ALDH6A1: variants seen among roughly 807,000 people sequenced by gnomAD.
ALDH6A1 encodes methylmalonate-semialdehyde/malonate-semialdehyde dehydrogenase [acylating], mitochondrial.
ALDH6A1 carries 43 observed loss-of-function variants against 62.6 expected under a neutral mutation model. The ratio of observed to expected loss-of-function variants is 0.69; its 90% CI spans 0.54 to 0.89. The LOEUF is 0.89. Ranked by LOEUF, ALDH6A1 falls within the 40% of genes least tolerant of loss-of-function variation. The pLI, the probability that ALDH6A1 is intolerant of heterozygous loss-of-function variation, is 0.00. For synonymous variants in ALDH6A1, 194 were observed against 234.2 expected (o/e 0.83, Z 1.57); for missense variants, 551 against 661.3 (o/e 0.83, Z 1.83).
At chr14:74,079,792 C>G (rs1222219922) in intron 1 of ALDH6A1, among the ~76,000 whole-genome samples, 1 of 152,144 alleles carries the variant, frequency 6.6e-6, no homozygotes, top group Admixed American at 6.5e-5. Flanking sequence ...TGGTCTTGAA[C>G]TCCTGGCCTC....
At chr14:74,081,884 G>A (rs1200535473) in intron 1 of ALDH6A1, among the ~76,000 whole-genome samples, 4 of 152,100 alleles carry the variant, frequency 2.6e-5, no homozygotes, top group African/African-American at 7.2e-5. Context: ...CCATATCACC[G>A]ACAGTGCAAG....
At position 74,060,036 on chromosome 14, in the gene ALDH6A1, G is replaced by A. The variant is rs1324474156; in HGVS notation, c.*606C>T. The A allele has an allele frequency of 6.5e-6, 1 of 154,788 alleles. No homozygotes were observed. Among genetic ancestry groups the A allele is most frequent in the Non-Finnish European group, 1.4e-5 (1 of 69,808 alleles). The allele number at this position is 154,788 out of a possible 1,614,324, so 9.6% of individuals were successfully genotyped here. Reference sequence around the variant, plus strand: ...ACTTTGCAGGAGGTCTCTCCCAGTGGCATTTAGGTAGCGCTATGTTTGAGG... The same window carrying A: ...ACTTTGCAGGAGGTCTCTCCCAGTGACATTTAGGTAGCGCTATGTTTGAGG... On this transcript the variant is annotated 3_prime_UTR_variant, in exon 12 of 12. Coordinates refer to ENST00000553458, the MANE Select transcript of ALDH6A1 (RefSeq NM_005589.4).
intron 1 of ALDH6A1, among the ~76,000 whole-genome samples, chr14:74,079,674 C>T (rs1595134815): frequency 6.6e-6 from 1 of 151,986 alleles, no homozygotes; most frequent in Non-Finnish European, 1.5e-5. Context: ...CCTCATGATC[C>T]GCCCGCCTCA....
intron 1 of ALDH6A1, among the ~76,000 whole-genome samples, chr14:74,080,681 G>C (rs1276978203): frequency 6.6e-6 from 1 of 152,060 alleles, no homozygotes; most frequent in South Asian, 2.1e-4. Context: ...AGCCTCAAGC[G>C]ATCCTCCTGC....
chr14:74,064,315 T>A (rs58066285), intron 11 of ALDH6A1, among the ~76,000 whole-genome samples: 13,743 of 144,202 alleles, frequency 0.095, 978 homozygotes, highest in East Asian at 0.42. Flanking sequence ...AAAAAAATAA[T>A]AATAATAATA....
At chr14:74,066,492 T>C (rs1215552765) in intron 9 of ALDH6A1, among the ~76,000 whole-genome samples, 2 of 152,144 alleles carry the variant, frequency 1.3e-5, no homozygotes, top group Non-Finnish European at 2.9e-5. Context: ...TATCCCTTTA[T>C]GGAAAGTCTG....
intron 11 of ALDH6A1, among the ~76,000 whole-genome samples, chr14:74,061,303 A>ATTTATT (rs1273583643): frequency 1.4e-5 from 2 of 143,066 alleles, no homozygotes; most frequent in Non-Finnish European, 3.1e-5. Context: ...CCATTTATTT[A>ATTTATT]TTTATTTATT....
At chr14:74,082,077 G>C (rs1278880372) in intron 1 of ALDH6A1, among the ~76,000 whole-genome samples, 4 of 152,054 alleles carry the variant, frequency 2.6e-5, no homozygotes, top group African/African-American at 9.6e-5. Context: ...ATGGGGGCAC[G>C]ATCTGTTGTT....
At chr14:74,079,427 T>C (rs892059959) in intron 1 of ALDH6A1, among the ~76,000 whole-genome samples, 3 of 139,548 alleles carry the variant, frequency 2.1e-5, no homozygotes, top group East Asian at 2.3e-4. Flanking sequence ...TTTTTTCTTA[T>C]TGTTTTTTTT....
At chr14:74,081,609 C>G (rs1277966755) in intron 1 of ALDH6A1, among the ~76,000 whole-genome samples, 2 of 152,170 alleles carry the variant, frequency 1.3e-5, no homozygotes, top group Non-Finnish European at 2.9e-5. Context: ...CTGCTGCTCT[C>G]TAGATGTTTA....
intron 7 of ALDH6A1, among the ~76,000 whole-genome samples, chr14:74,067,992 A>G (rs570902028): frequency 9.0e-6 from 1 of 111,554 alleles, no homozygotes; most frequent in East Asian, 4.7e-4. Context: ...TATGAAGAGC[A>G]ATGTTAAAAA....
rs948422942 is a variant in ALDH6A1, at chr14:74,075,091, T to C, written c.49-74A>G. 4.4e-6 allele frequency: 6 copies of C among 1,358,624 alleles called. No individual in the cohort carries two copies. The African/African-American group carries it at 7.2e-5, about 16-fold the overall frequency. 84.2% of individuals were successfully genotyped at this position (1,358,624 alleles called of 1,614,324 possible). The stretch of plus-strand genomic sequence containing the variant: ...TTTAAAATTTAGCAAATAGCTACTA[T>C]ATGCTATTTGCTATAGTATATAGGG... On this transcript the variant is annotated intron_variant, in intron 1 of 11. Transcript: ENST00000553458.
chr14:74,072,158 G>T, intron 4 of ALDH6A1, 45 bp downstream of exon 4: 1 of 1,613,104 alleles, frequency 6.2e-7, no homozygotes. Context: ...TGACAAACAT[G>T]CCCTAGGTGA....
chr14:74,063,312 G>A (rs369492364), intron 11 of ALDH6A1, among the ~76,000 whole-genome samples: 4 of 150,786 alleles, frequency 2.7e-5, no homozygotes, highest in South Asian at 2.1e-4. Context: ...TCAGCCTCCC[G>A]AGTAGCTGGG....
Position 74,060,426 on chromosome 14 carries a change from A to G in ALDH6A1, c.*216T>C, listed in dbSNP as rs2060313659. On this transcript the variant is annotated 3_prime_UTR_variant, in exon 12 of 12. Coordinates refer to ENST00000553458, the MANE Select transcript of ALDH6A1 (RefSeq NM_005589.4). ...TTTCATAGTTACAACAGTTACCTCAAAATAGAAGTATGAAGAGCAAGTGAG... is the reference window on the plus strand; with the variant it reads ...TTTCATAGTTACAACAGTTACCTCAGAATAGAAGTATGAAGAGCAAGTGAG... 4 of 561,250 alleles carry G rather than the reference A, an allele frequency of 7.1e-6. No individual in the cohort carries two copies. In the East Asian group the frequency reaches 1.2e-4, roughly 17 times the overall value. 34.8% of individuals were successfully genotyped at this position (561,250 alleles called of 1,614,324 possible).
chr14:74,067,006 AG>A, intron 8 of ALDH6A1, 120 bp from the exon 9 acceptor site: 1 of 955,212 alleles, frequency 1.0e-6, no homozygotes, highest in Non-Finnish European at 1.6e-6. Flanking sequence ...GCTTGAGCCC[AG>A]GAGTTCCAGA....
At position 74,072,605 on chromosome 14, in the gene ALDH6A1, CAGTTGGCTGAAAAAAACA is replaced by C. The variant is rs1299572723; in HGVS notation, c.112-12_117del. 6.2e-7 allele frequency: 1 copy of C among 1,613,202 alleles called. No individual in the cohort carries two copies. The highest frequency in any genetic ancestry group is 1.3e-5 in the African/African-American group (1 of 74,552). On this transcript the variant is annotated splice_acceptor_variant and splice_polypyrimidine_tract_variant and coding_sequence_variant and intron_variant, in exon 3 of 12. Coordinates refer to ENST00000553458, the MANE Select transcript of ALDH6A1 (RefSeq NM_005589.4). LOFTEE classifies it high-confidence loss of function. The stretch of plus-strand genomic sequence containing the variant: ...AATTTCCCACCAATGAAGAGCTTTA[CAGTTGGCTGAAAAAAACA>C]AACAAACAAACAAACAAACAAAAAC...
chr14:74,077,189 C>T (rs918020624), intron 1 of ALDH6A1, among the ~76,000 whole-genome samples: 8 of 152,134 alleles, frequency 5.3e-5, no homozygotes, highest in Admixed American at 2.0e-4. Flanking sequence ...ATATAGTACT[C>T]GGTAGGTAGT....
At position 74,058,137 on chromosome 14, in the gene ALDH6A1, C is replaced by G. The variant is rs1369406640; in HGVS notation, c.*2505G>C. 2 of 154,526 alleles carry G rather than the reference C, an allele frequency of 1.3e-5. No homozygotes were observed. The highest frequency in any genetic ancestry group is 3.8e-4 in the East Asian group (2 of 5,222). 9.6% of individuals were successfully genotyped at this position (154,526 alleles called of 1,614,324 possible). ...GGTCAGGAGATTGAGACCATCCTGG[C>G]TAACATGGTGAAACCCTGTCTCTAC... On this transcript the variant is annotated 3_prime_UTR_variant, in exon 12 of 12. Coordinates refer to ENST00000553458, the MANE Select transcript of ALDH6A1 (RefSeq NM_005589.4).
Sources: gnomAD v4.1 joint callset for allele counts (sites outside exome capture counted in the v4.1 genomes callset) on GRCh38, gnomAD v4.1.1 for gene constraint, MANE v1.5 for transcripts, NCBI Gene and HGNC (gene_info 2026-07-23, HGNC 2026-07-21) for gene names.